Variants in BACH2 observed in about 807,000 individuals in gnomAD.
The protein encoded by BACH2 is BACH transcriptional regulator 2.
BACH2 carries 5 observed loss-of-function variants against 61.8 expected under a neutral mutation model. That is an observed-to-expected ratio of 0.08 (90% confidence interval 0.04 to 0.17). BACH2 has a LOEUF of 0.17. BACH2 is among the 10% of genes least tolerant of loss of function. The pLI is 1.00. For missense variants in BACH2, 824 were observed against 1,091.1 expected, an observed-to-expected ratio of 0.76 and a Z score of 3.45; for synonymous variants, 446 against 440.1, an observed-to-expected ratio of 1.01 and a Z score of -0.17.
chr6:89,961,265 T>G (rs2128359141), intron 6 of BACH2, among the ~76,000 whole-genome samples: 1 of 152,344 alleles, frequency 6.6e-6, no homozygotes, highest in Non-Finnish European at 1.5e-5. Context: ...AATTTCAATA[T>G]AAGTGTAGGT....
At chr6:90,258,793 T>C (rs989316992) in intron 2 of BACH2, among the ~76,000 whole-genome samples, 1 of 152,212 alleles carries the variant, frequency 6.6e-6, no homozygotes, top group African/African-American at 2.4e-5. Flanking sequence ...AATTTATTCC[T>C]AGGTATTTTG....
chr6:89,936,087 C>T (rs1773006390), intron 8 of BACH2, among the ~76,000 whole-genome samples: 1 of 152,230 alleles, frequency 6.6e-6, no homozygotes, highest in African/African-American at 2.4e-5. Context: ...TTTCTGGGCG[C>T]CAGCAATGGG....
intron 6 of BACH2, among the ~76,000 whole-genome samples, chr6:89,967,736 A>G (rs1417310490): frequency 6.6e-6 from 1 of 152,104 alleles, no homozygotes; most frequent in Admixed American, 6.5e-5. Context: ...AAATACAGAG[A>G]CTCAAAGCAA....
intron 5 of BACH2, among the ~76,000 whole-genome samples, chr6:90,015,012 G>T (rs1182564492): frequency 6.7e-6 from 1 of 148,982 alleles, no homozygotes; most frequent in African/African-American, 2.5e-5. Flanking sequence ...AACTCTTGGT[G>T]TCAAGTGATT....
intron 5 of BACH2, among the ~76,000 whole-genome samples, chr6:90,088,557 T>C (rs1359065482): frequency 6.6e-6 from 1 of 152,186 alleles, no homozygotes; most frequent in Non-Finnish European, 1.5e-5. Context: ...TACTCAAGTA[T>C]ATACAGTTTT....
At chr6:90,265,429 C>G (rs958907919) in intron 2 of BACH2, among the ~76,000 whole-genome samples, 9 of 152,216 alleles carry the variant, frequency 5.9e-5, no homozygotes, top group Non-Finnish European at 1.2e-4. Context: ...GGGATGCAAA[C>G]ACTTTGATAT....
chr6:89,990,130 T>C (rs1372498004), intron 6 of BACH2, among the ~76,000 whole-genome samples: 8 of 152,142 alleles, frequency 5.3e-5, no homozygotes, highest in Non-Finnish European at 2.9e-5. Flanking sequence ...ATATTCTCCC[T>C]TTCCCACCAA....
At chr6:89,998,621 T>G (rs1215223437) in intron 6 of BACH2, among the ~76,000 whole-genome samples, 3 of 152,168 alleles carry the variant, frequency 2.0e-5, no homozygotes, top group African/African-American at 7.2e-5. Flanking sequence ...ATAAAAGTAT[T>G]AACTGATTAG....
intron 6 of BACH2, among the ~76,000 whole-genome samples, chr6:89,979,094 A>G (rs1054755030): frequency 2.0e-5 from 3 of 152,238 alleles, no homozygotes; most frequent in African/African-American, 7.2e-5. Context: ...CTGGAACACC[A>G]AAGAGATTTT....
intron 6 of BACH2, among the ~76,000 whole-genome samples, chr6:89,987,225 G>C (rs972304079): frequency 3.3e-5 from 5 of 152,202 alleles, no homozygotes; most frequent in African/African-American, 1.2e-4. Flanking sequence ...GTAAGAAGAG[G>C]ATGGGAGAGT....
intron 1 of BACH2, among the ~76,000 whole-genome samples, chr6:90,286,756 T>G (rs1772029071): frequency 6.6e-6 from 1 of 152,142 alleles, no homozygotes; most frequent in Non-Finnish European, 1.5e-5. Flanking sequence ...TTCTCTTACT[T>G]TGGCATAAAG....
chr6:89,985,546 A>G (rs1023794764), intron 6 of BACH2, among the ~76,000 whole-genome samples: 1 of 152,144 alleles, frequency 6.6e-6, no homozygotes, highest in Non-Finnish European at 1.5e-5. Flanking sequence ...AGAGTGACAC[A>G]GGGCTGCCCC....
intron 4 of BACH2, among the ~76,000 whole-genome samples, chr6:90,138,201 T>A (rs908087925): frequency 6.6e-6 from 1 of 151,664 alleles, no homozygotes; most frequent in African/African-American, 2.4e-5. Context: ...ACAGTGAGAG[T>A]CCATTTAAAC....
At chr6:90,236,296 G>A (rs998290094) in intron 3 of BACH2, among the ~76,000 whole-genome samples, 5 of 152,200 alleles carry the variant, frequency 3.3e-5, no homozygotes, top group East Asian at 1.9e-4. Flanking sequence ...AGGAAGGCAC[G>A]TCAACTAACG....
chr6:90,202,535 G>C (rs1768990615), intron 4 of BACH2, among the ~76,000 whole-genome samples: 1 of 152,134 alleles, frequency 6.6e-6, no homozygotes, highest in Non-Finnish European at 1.5e-5. Context: ...TTTGGCATTT[G>C]TCCAAAGCAA....
At chr6:90,233,696 C>T (rs1454433885) in intron 3 of BACH2, among the ~76,000 whole-genome samples, 2 of 152,182 alleles carry the variant, frequency 1.3e-5, no homozygotes, top group South Asian at 2.1e-4. Flanking sequence ...ATTGGTATTA[C>T]AATTATGTTA....
chr6:89,950,800 TGGA>T lies in BACH2; in HGVS notation c.1303_1305del (p.Ser436del). On this transcript the variant is annotated inframe_deletion, in exon 7 of 9. Coordinates refer to ENST00000257749, the MANE Select transcript of BACH2 (RefSeq NM_021813.4). This position sits in a 1 kb window ranked among gnomAD's most constrained non-coding sequence, Gnocchi z 5.3. ...GAGGTGCTCACTTGGTCACAAGCGCTGGAGGAGAAGATCACGCTCCTCCGGTCC... is the reference window on the plus strand; with the variant it reads ...GAGGTGCTCACTTGGTCACAAGCGCTGGAGAAGATCACGCTCCTCCGGTCC... 7 of 1,614,138 alleles carry T rather than the reference TGGA, an allele frequency of 4.3e-6. No individual in the cohort carries two copies. The highest frequency in any genetic ancestry group is 2.2e-5 in the East Asian group (1 of 44,860).
At chr6:90,105,922 A>C (rs1401559879) in intron 4 of BACH2, among the ~76,000 whole-genome samples, 1 of 152,214 alleles carries the variant, frequency 6.6e-6, no homozygotes, top group East Asian at 1.9e-4. Flanking sequence ...TTGCACCAAC[A>C]GTTTTCTTAG....
In BACH2 at chr6:89,932,549, T is replaced by C. The variant is rs1472037249; in HGVS notation, c.2385A>G (p.Arg795=). The C allele has an allele frequency of 1.2e-6, 2 of 1,613,980 alleles. No individual in the cohort carries two copies. The highest frequency in any genetic ancestry group is 1.7e-6 in the Non-Finnish European group (2 of 1,179,988). Reference sequence around the variant, plus strand: ...AGGTTCCCGGGTCAGTGCCTTCTAGTCTCCTCCCAGAGGTACAATTCTCGG... The same window carrying C: ...AGGTTCCCGGGTCAGTGCCTTCTAGCCTCCTCCCAGAGGTACAATTCTCGG... ...NTSENCTSGR[R]LEGTDPGTFS... is the part of the protein sequence containing the mutation. Residue 795 remains arginine, a synonymous_variant, in exon 9 of 9, where the codon AGA becomes AGG. Coordinates refer to ENST00000257749, the MANE Select transcript of BACH2 (RefSeq NM_021813.4).
Sources: allele counts gnomAD v4.1 joint callset (sites outside exome capture counted in the v4.1 genomes callset), GRCh38; gene constraint gnomAD v4.1.1; non-coding constraint Gnocchi (gnomAD v3.1); transcripts MANE v1.5; gene names NCBI Gene and HGNC (gene_info 2026-07-23, HGNC 2026-07-21).